Variants in ITPRIP observed in about 807,000 individuals in gnomAD.
ITPRIP encodes inositol 1,4,5-trisphosphate receptor-interacting protein.
ITPRIP carries 32 observed loss-of-function variants against 35.8 expected under a neutral mutation model. That is an observed-to-expected ratio of 0.89 (90% CI 0.68 to 1.20). ITPRIP has a LOEUF of 1.20. Among genes scored for constraint, ITPRIP ranks in the 50% most tolerant of loss-of-function variants. The pLI is 0.00. For synonymous variants in ITPRIP, 358 were observed against 324.0 expected (o/e 1.11, Z -1.13); for missense variants, 653 against 735.6 (o/e 0.89, Z 1.30).
chr10:104,324,363 G>A (rs138089167), intron 1 of ITPRIP, among the ~76,000 whole-genome samples: 119 of 152,318 alleles, frequency 7.8e-4, no homozygotes, highest in African/African-American at 2.8e-3. Context: ...GACTGGGGCC[G>A]GAGGCTGGGC....
chr10:104,322,058 A>G (rs1194426368), intron 1 of ITPRIP, among the ~76,000 whole-genome samples: 1 of 152,188 alleles, frequency 6.6e-6, no homozygotes, highest in Non-Finnish European at 1.5e-5. Context: ...GATGTGGGGC[A>G]TAAAAGGCAC....
At chr10:104,318,271 G>C (rs2013741546) in intron 1 of ITPRIP, among the ~76,000 whole-genome samples, 1 of 152,208 alleles carries the variant, frequency 6.6e-6, no homozygotes, top group Non-Finnish European at 1.5e-5. Context: ...TAACTGCGAG[G>C]CTGGGTGATT....
chr10:104,321,858 C>T (rs2013856085), intron 1 of ITPRIP, among the ~76,000 whole-genome samples: 1 of 152,150 alleles, frequency 6.6e-6, no homozygotes, highest in Admixed American at 6.5e-5. Context: ...CTCATTCTGT[C>T]TGTCTTTGCC....
At chr10:104,327,595 T>A (rs572215089) in intron 1 of ITPRIP, among the ~76,000 whole-genome samples, 5 of 152,256 alleles carry the variant, frequency 3.3e-5, no homozygotes, top group African/African-American at 9.6e-5. Flanking sequence ...CAAATCCCTC[T>A]TTCTTCCAAG....
intron 1 of ITPRIP, among the ~76,000 whole-genome samples, chr10:104,330,899 C>A (rs2014134561): frequency 6.6e-6 from 1 of 152,332 alleles, no homozygotes. Flanking sequence ...CATGAAGCCA[C>A]GAGCTGTGCT....
At chr10:104,316,727 A>T (rs780710838) in intron 1 of ITPRIP, among the ~76,000 whole-genome samples, 5 of 152,196 alleles carry the variant, frequency 3.3e-5, no homozygotes, top group Non-Finnish European at 7.4e-5. Flanking sequence ...ACCCTTTTTA[A>T]GTCAGTTTGA....
intron 1 of ITPRIP, among the ~76,000 whole-genome samples, chr10:104,325,422 C>T (rs929543506): frequency 5.3e-5 from 8 of 152,180 alleles, no homozygotes; most frequent in African/African-American, 1.9e-4. Flanking sequence ...ACCTTTCTCC[C>T]CAAACCTAGG....
chr10:104,336,241 C>T (rs1051896836), intron 1 of ITPRIP, among the ~76,000 whole-genome samples: 3 of 152,178 alleles, frequency 2.0e-5, no homozygotes, highest in African/African-American at 7.2e-5. Context: ...TCAGCATCCT[C>T]CTGGCTCTGT....
chr10:104,313,095 C>A lies in ITPRIP; in HGVS notation c.*1313G>T. Reference sequence around the variant, plus strand: ...AGTGCCCACACAGAAGGGGTGGGTTCTGTGCAGTGAGGGAGCCCCGCTGGA... The same window carrying A: ...AGTGCCCACACAGAAGGGGTGGGTTATGTGCAGTGAGGGAGCCCCGCTGGA... On this transcript the variant is annotated 3_prime_UTR_variant, in exon 2 of 2. Coordinates refer to ENST00000337478, the MANE Select transcript of ITPRIP (RefSeq NM_001272013.2). 1.0e-6 allele frequency: 1 copy of A among 985,436 alleles called. No homozygotes were observed. The highest frequency in any genetic ancestry group is 1.2e-6 in the Non-Finnish European group (1 of 830,000). 61.0% of individuals were successfully genotyped at this position (985,436 alleles called of 1,614,324 possible).
At chr10:104,335,449 C>A (rs528840342) in intron 1 of ITPRIP, among the ~76,000 whole-genome samples, 1 of 152,178 alleles carries the variant, frequency 6.6e-6, no homozygotes, top group Non-Finnish European at 1.5e-5. Context: ...CAGCCACCGC[C>A]GTTTCCCTCT....
chr10:104,316,395 C>A (rs545831115), intron 1 of ITPRIP, among the ~76,000 whole-genome samples: 1 of 152,164 alleles, frequency 6.6e-6, no homozygotes, highest in Non-Finnish European at 1.5e-5. Context: ...GGCTCAAAAC[C>A]CAGGCCCAAG....
In ITPRIP at chr10:104,328,341, C is replaced by T. The variant is rs2014075034; in HGVS notation, c.-14+9905G>A. ...CACAAGGGTGCTGGTTTGGAGAGAG[C>T]ATGAATACCCACCTTGGGGCAGGAC... On this transcript the variant is annotated intron_variant, in intron 1 of 1. Coordinates refer to ENST00000337478, the MANE Select transcript of ITPRIP (RefSeq NM_001272013.2). This position sits in a 1 kb window ranked among gnomAD's most constrained non-coding sequence, Gnocchi z 4.1. 2.1e-6 allele frequency: 2 copies of T among 954,570 alleles called. No homozygotes were observed. The highest frequency in any genetic ancestry group is 4.8e-5 in the South Asian group (1 of 20,658). The allele number at this position is 954,570 out of a possible 1,614,324, so 59.1% of individuals were successfully genotyped here.
At position 104,314,660 on chromosome 10, in the gene ITPRIP, G is replaced by A. The variant is rs1395543739; in HGVS notation, c.1392C>T (p.Phe464=). The change falls in exon 2 of 2, where the codon TTC becomes TTT. Residue 464 remains phenylalanine, a synonymous_variant. Transcript: ENST00000337478. ...LDARLHELLC[F]LEKSLLQKKL... is the part of the protein sequence containing the mutation. ...TCTTCTGGAGCAAGCTCTTCTCCAG[G>A]AAGCACAGCAACTCGTGCAGACGAG... 6.2e-7 allele frequency: 1 copy of A among 1,613,894 alleles called. No homozygotes were observed. Among genetic ancestry groups the A allele is most frequent in the Non-Finnish European group, 8.5e-7 (1 of 1,179,988 alleles).
chr10:104,320,428 C>A (rs969888197), intron 1 of ITPRIP, among the ~76,000 whole-genome samples: 1 of 152,154 alleles, frequency 6.6e-6, no homozygotes, highest in African/African-American at 2.4e-5. Flanking sequence ...ATCTTTGAAT[C>A]CACCTATGAC....
rs1451528164 is a variant in ITPRIP at position 104,315,081 on chromosome 10, G to T, written c.971C>A (p.Ala324Asp). 8 of 1,614,186 alleles carry T rather than the reference G, an allele frequency of 5.0e-6. No homozygotes were observed. The highest frequency in any genetic ancestry group is 1.7e-5 in the Admixed American group (1 of 60,024). Residue 324 changes from alanine (A) to aspartate (D), a missense_variant, in exon 2 of 2, where the codon GCC (alanine) becomes GAC (aspartate). By Grantham distance (126) the Ala-to-Asp change is moderately radical. Coordinates refer to ENST00000337478, the MANE Select transcript of ITPRIP (RefSeq NM_001272013.2). The surrounding 1 kb of genome is among the most constrained non-coding windows in gnomAD (Gnocchi z 5.7). ...CCCCGGGCTGTCCAGCTGGCCAAAG[G>T]CCAGGTCGAACTCGTACTTGTGGGC... ...GIAHKYEFDL[A>D]FGQLDSPGSL...
chr10:104,318,762 C>T (rs976749326), intron 1 of ITPRIP, among the ~76,000 whole-genome samples: 10 of 152,156 alleles, frequency 6.6e-5, no homozygotes, highest in African/African-American at 9.7e-5. Flanking sequence ...GAGGTGACTT[C>T]GGAGAAATCA....
rs2013475874 is a variant in ITPRIP, at chr10:104,311,163, G to A, written c.*3245C>T. On this transcript the variant is annotated 3_prime_UTR_variant, in exon 2 of 2. Transcript: ENST00000337478. ...TTATGCCTTCCCACCCTCTCTCTGA[G>A]GCTTACGGCACTAGCGTGAATGTGG... The A allele has an allele frequency of 6.6e-6, 1 of 152,234 alleles. No individual in the cohort carries two copies. Among genetic ancestry groups the A allele is most frequent in the African/African-American group, 2.4e-5 (1 of 41,450 alleles). The allele number at this position is 152,234 out of a possible 1,614,324, so 9.4% of individuals were successfully genotyped here. A position where few individuals can be genotyped will look rare whatever the true frequency, so the allele number is the denominator to read the frequency against.
intron 1 of ITPRIP, among the ~76,000 whole-genome samples, chr10:104,317,165 C>T (rs1258189082): frequency 6.6e-6 from 1 of 152,176 alleles, no homozygotes; most frequent in East Asian, 1.9e-4. Flanking sequence ...TGTCTTTCCC[C>T]AGGACAATCT....
chr10:104,325,985 T>C (rs1262494245), intron 1 of ITPRIP, among the ~76,000 whole-genome samples: 1 of 152,052 alleles, frequency 6.6e-6, no homozygotes, highest in Admixed American at 6.5e-5. Context: ...CCACCTGAGG[T>C]GGCCCTACCA....
Sources: allele counts gnomAD v4.1 joint callset (sites outside exome capture counted in the v4.1 genomes callset), GRCh38; gene constraint gnomAD v4.1.1; non-coding constraint Gnocchi (gnomAD v3.1); transcripts MANE v1.5; gene names NCBI Gene and HGNC (gene_info 2026-07-23, HGNC 2026-07-21).